Variants in WFS1 observed in about 807,000 individuals in gnomAD.
WFS1 encodes wolframin.
A neutral mutation model predicts 68.5 loss-of-function variants in WFS1; 90 were observed. The observed-to-expected ratio is 1.31, with a 90% confidence interval of 1.11 to 1.56. The LOEUF is 1.56. Among genes scored for constraint, WFS1 ranks in the 40% most tolerant of loss-of-function variants. WFS1 has a pLI of 0.00. For missense variants in WFS1, 1,767 were observed against 1,232.6 expected (o/e 1.43, Z -6.49); for synonymous variants, 860 against 540.7 (o/e 1.59, Z -8.19).
intron 7 of WFS1, among the ~76,000 whole-genome samples, chr4:6,296,714 T>A (rs1311008600): frequency 1.3e-5 from 2 of 152,364 alleles, no homozygotes; most frequent in East Asian, 1.9e-4. Context: ...TTATGCCATC[T>A]GGTGTAAGTA....
rs375473654 is a variant in WFS1, at chr4:6,287,193, G to A, written c.315+18G>A. The A allele has an allele frequency of 5.8e-5, 90 of 1,552,262 alleles. No homozygotes were observed. The highest frequency in any genetic ancestry group is 5.0e-4 in the African/African-American group (37 of 73,492). Reference sequence around the variant, plus strand: ...AGACTGAGGTGAGGACTGCGGTGCCGGCAGGGACTTCGGGACGCGGCCCCC... The same window carrying A: ...AGACTGAGGTGAGGACTGCGGTGCCAGCAGGGACTTCGGGACGCGGCCCCC... On this transcript the variant is annotated intron_variant, in intron 3 of 7. Transcript: ENST00000226760. The surrounding 1 kb of genome is among the most constrained non-coding windows in gnomAD (Gnocchi z 6.4).
intron 3 of WFS1, chr4:6,288,758 C>T (rs1377910787): frequency 6.5e-6 from 4 of 617,484 alleles, no homozygotes; most frequent in South Asian, 1.8e-5. Flanking sequence ...GTGTCTCCCT[C>T]GCCGTGTGGA....
In WFS1 at chr4:6,294,815, G is replaced by A. The variant is rs374508133; in HGVS notation, c.713-226G>A. On this transcript the variant is annotated intron_variant, in intron 6 of 7. Coordinates refer to ENST00000226760, the MANE Select transcript of WFS1 (RefSeq NM_006005.3). The stretch of plus-strand genomic sequence containing the variant: ...GTGGGGGACAGCACACCCAGGGGCC[G>A]GGGGCCAGGAGTGGAGGCTGGCACT... 137 of 596,808 alleles carry A rather than the reference G, an allele frequency of 2.3e-4. No individual in the cohort carries two copies. The East Asian group carries it at 2.6e-3, about 11-fold the overall frequency. 37.0% of individuals were successfully genotyped at this position (596,808 alleles called of 1,614,324 possible).
Position 6,287,056 on chromosome 4 carries a change from C to T in WFS1, c.233-37C>T. On this transcript the variant is annotated intron_variant, in intron 2 of 7. Coordinates refer to ENST00000226760, the MANE Select transcript of WFS1 (RefSeq NM_006005.3). This position sits in a 1 kb window ranked among gnomAD's most constrained non-coding sequence, Gnocchi z 6.4. ...CATCCTGACAAGTGACAAAGTCTGG[C>T]TTTGTGACATGTGTGTTTGTTTCTT... is the stretch of plus-strand genomic sequence containing the variant. 6.5e-7 allele frequency: 1 copy of T among 1,539,622 alleles called. No individual in the cohort carries two copies. The highest frequency in any genetic ancestry group is 8.8e-7 in the Non-Finnish European group (1 of 1,135,578).
chr4:6,301,157 C>G lies in WFS1; in HGVS notation c.1362C>G (p.Tyr454Ter), dbSNP rs1043668392. 1 of 1,612,812 alleles carries G rather than the reference C, an allele frequency of 6.2e-7. No homozygotes were observed. The highest frequency in any genetic ancestry group is 1.1e-5 in the South Asian group (1 of 91,080). The change falls in exon 8 of 8, where the codon TAC (tyrosine) becomes TAG (stop). Residue 454 changes from tyrosine (Y) to a stop codon, truncating the protein, a stop_gained. Transcript: ENST00000226760. LOFTEE classifies it high-confidence loss of function. ...GCCTGAGCACCCATGCAGAGCCCTA[C>G]ACGCGCAGGGCCCTGGCCACCGAGG... ...YLSLSTHAEPYTRRALATEVT... is the reference protein window; with the variant it reads ...YLSLSTHAEP
intron 5 of WFS1, among the ~76,000 whole-genome samples, 166 bp from the exon 6 acceptor site, chr4:6,291,751 A>C (rs958820503): frequency 2.6e-5 from 4 of 152,156 alleles, no homozygotes; most frequent in Non-Finnish European, 5.9e-5. Context: ...GGAGGTACAG[A>C]GGTGTGGCCC....
chr4:6,298,182 C>A (rs1730689281), intron 7 of WFS1, among the ~76,000 whole-genome samples: 1 of 152,238 alleles, frequency 6.6e-6, no homozygotes, highest in African/African-American at 2.4e-5. Flanking sequence ...GTTCGCAAGG[C>A]CCCCATACGG....
At chr4:6,285,235 G>A (rs1730281254) in intron 2 of WFS1, among the ~76,000 whole-genome samples, 1 of 151,712 alleles carries the variant, frequency 6.6e-6, no homozygotes, top group South Asian at 2.1e-4. Context: ...TCAGGGAGAG[G>A]GACATTCAGG....
rs1730590153 is a variant in WFS1 at position 6,295,069 on chromosome 4, T to C, written c.741T>C (p.Phe247=). 6.2e-7 allele frequency: 1 copy of C among 1,613,560 alleles called. No individual in the cohort carries two copies. The highest frequency in any genetic ancestry group is 1.1e-5 in the South Asian group (1 of 91,088). The change falls in exon 7 of 8, where the codon TTT becomes TTC. Residue 247 remains phenylalanine, a synonymous_variant. Coordinates refer to ENST00000226760, the MANE Select transcript of WFS1 (RefSeq NM_006005.3). ...ESKNYIALDD[F]VEITKKYAKG... is the part of the protein sequence containing the mutation. ...AGAACTACATCGCGCTGGATGACTT[T>C]GTGGAGATCACTAAGAAGTACGCCA... is the stretch of plus-strand genomic sequence containing the variant.
chr4:6,291,504 AC>A, intron 5 of WFS1, 137 bp downstream of exon 5: 1 of 1,223,962 alleles, frequency 8.2e-7, no homozygotes, highest in Non-Finnish European at 1.2e-6. Context: ...CCCTGTGAGG[AC>A]AGGGCCCTTC....
intron 7 of WFS1, 150 bp from the exon 8 acceptor site, chr4:6,300,507 A>G: frequency 1.7e-6 from 2 of 1,193,618 alleles, no homozygotes; most frequent in Non-Finnish European, 2.4e-6. Flanking sequence ...AGAAGGGGGG[A>G]GGGAGGACCA....
rs758875036 is a variant in WFS1 at position 6,295,188 on chromosome 4, A to G, written c.860A>G (p.Lys287Arg). 6.2e-7 allele frequency: 1 copy of G among 1,611,622 alleles called. No individual in the cohort carries two copies. The change falls in exon 7 of 8, where the codon AAG becomes AGG. Residue 287 changes from lysine to arginine, a missense_variant and splice_region_variant. Coordinates refer to ENST00000226760, the MANE Select transcript of WFS1 (RefSeq NM_006005.3). ...CCTGAGGACCTGCCACTGCGTCTGA[A>G]GGTGAGTGACCAAGACCCCGGTCAG... ...KSPEDLPLRL[K>R]VVKYPLHAIM...
rs767193606 is a variant in WFS1 at position 6,300,790 on chromosome 4, T to C, written c.995T>C (p.Ile332Thr). 1.9e-6 allele frequency: 3 copies of C among 1,613,768 alleles called. No homozygotes were observed. The highest frequency in any genetic ancestry group is 2.5e-6 in the Non-Finnish European group (3 of 1,179,866). Residue 332 changes from isoleucine to threonine, a missense_variant, in exon 8 of 8, where the codon ATC becomes ACC. Ile to Thr is a moderately conservative substitution (Grantham distance 89, BLOSUM62 -1). Coordinates refer to ENST00000226760, the MANE Select transcript of WFS1 (RefSeq NM_006005.3). ...ATCAACGCGCTCATCTTCTTCTTCA[T>C]CGTCAGCAACCTCACCATCGACTTC... ...HHINALIFFFIVSNLTIDFFA... is the reference protein window; with the variant it reads ...HHINALIFFFTVSNLTIDFFA...
rs1483562169 is a variant in WFS1 at position 6,277,577 on chromosome 4, C to A, written c.122C>A (p.Pro41His). 2 of 1,583,882 alleles carry A rather than the reference C, an allele frequency of 1.3e-6. No homozygotes were observed. The highest frequency in any genetic ancestry group is 8.6e-7 in the Non-Finnish European group (1 of 1,165,458). The change falls in exon 2 of 8, where the codon CCC (proline) becomes CAC (histidine). Residue 41 changes from proline to histidine, a missense_variant. Physicochemically the swap from Pro to His is moderately conservative, Grantham distance 77. Transcript: ENST00000226760. ...TTGGAGCAGGAGAGGAGCGAAAGGC[C>A]CCGAGCACCCGGACCCCAGGCTGGC... Reference protein sequence around the residue: ...ASLEQERSERPRAPGPQAGPG... With the variant: ...ASLEQERSERHRAPGPQAGPG...
rs570594499 is a variant in WFS1 at position 6,283,344 on chromosome 4, C to G, written c.233-3749C>G. Reference sequence around the variant, plus strand: ...TCAAAGAATGAGTTAGATTCAGGACCCTTTTAGTTGTAAGTGACAAAATCT... The same window carrying G: ...TCAAAGAATGAGTTAGATTCAGGACGCTTTTAGTTGTAAGTGACAAAATCT... On this transcript the variant is annotated intron_variant, in intron 2 of 7. Transcript: ENST00000226760. This position sits in a 1 kb window ranked among gnomAD's most constrained non-coding sequence, Gnocchi z 5.0. Among the ~76,000 whole-genome samples the G allele has an allele frequency of 2.0e-5, 3 of 152,092 alleles. No individual in the cohort carries two copies. Among genetic ancestry groups the G allele is most frequent in the Admixed American group, 1.3e-4 (2 of 15,286 alleles).
At position 6,287,115 on chromosome 4, in the gene WFS1, A is replaced by T; in HGVS notation, c.255A>T (p.Glu85Asp). 2 of 1,559,550 alleles carry T rather than the reference A, an allele frequency of 1.3e-6. No individual in the cohort carries two copies. The highest frequency in any genetic ancestry group is 1.7e-4 in the Middle Eastern group (1 of 6,002). ...AAGGGCCTACAAAGGGAGACATGGA[A>T]ATCCCCTTTGAAGAAGTCCTGGAGA... ...DGTGPTKGDM[E>D]IPFEEVLERA... Residue 85 changes from glutamate (E) to aspartate (D), a missense_variant, in exon 3 of 8, where the codon GAA becomes GAT. By Grantham distance (45) the Glu-to-Asp change is conservative. Transcript: ENST00000226760. The surrounding 1 kb of genome is among the most constrained non-coding windows in gnomAD (Gnocchi z 6.4).
chr4:6,278,602 A>T (rs1009721081), intron 2 of WFS1, among the ~76,000 whole-genome samples: 3 of 152,164 alleles, frequency 2.0e-5, no homozygotes, highest in Non-Finnish European at 2.9e-5. Flanking sequence ...CGGGTGAGAG[A>T]CGAGGTGCTC....
At chr4:6,280,091 T>G (rs903211509) in intron 2 of WFS1, among the ~76,000 whole-genome samples, 4 of 152,220 alleles carry the variant, frequency 2.6e-5, no homozygotes, top group African/African-American at 7.2e-5. Context: ...AAACAGTGAC[T>G]CCGGCTAGAA....
At chr4:6,275,561 A>G (rs1289813377) in intron 1 of WFS1, among the ~76,000 whole-genome samples, 2 of 103,122 alleles carry the variant, frequency 1.9e-5, no homozygotes, top group Non-Finnish European at 3.5e-5. Context: ...GTGCTTGACC[A>G]TGCATGGTTT....
Sources: allele counts gnomAD v4.1 joint callset (sites outside exome capture counted in the v4.1 genomes callset), GRCh38; gene constraint gnomAD v4.1.1; non-coding constraint Gnocchi (gnomAD v3.1); transcripts MANE v1.5; gene names NCBI Gene and HGNC (gene_info 2026-07-23, HGNC 2026-07-21).